Variants in ANO7 observed in about 807,000 individuals in gnomAD.
ANO7 encodes the protein anoctamin-7.
ANO7 carries 114 observed loss-of-function variants against 115.8 expected under a neutral mutation model. The observed-to-expected ratio is 0.98, with a 90% CI of 0.85 to 1.15. The LOEUF is 1.15. ANO7 is among the 50% of genes most tolerant of loss of function. ANO7 has a pLI of 0.00. For missense variants in ANO7, 1,302 were observed against 1,201.2 expected (o/e 1.08, Z -1.24); for synonymous variants, 550 against 498.2 (o/e 1.10, Z -1.38).
intron 3 of ANO7, among the ~76,000 whole-genome samples, chr2:241,192,021 C>G (rs1406739395): frequency 3.9e-5 from 6 of 152,222 alleles, no homozygotes; most frequent in Admixed American, 2.0e-4. Flanking sequence ...GTGCATTCGT[C>G]TGCTGGGACT....
intron 3 of ANO7, among the ~76,000 whole-genome samples, chr2:241,194,857 G>A (rs186709923): frequency 3.0e-3 from 452 of 152,250 alleles, no homozygotes; most frequent in Non-Finnish European, 5.0e-3. Context: ...GGCATCCACC[G>A]GGTTCTTGGA....
the ANO7 span, chr2:241,238,351 C>A: frequency 4.2e-6 from 1 of 238,386 alleles, no homozygotes; most frequent in East Asian, 7.8e-5. This position sits in a 1 kb window ranked among gnomAD's most constrained non-coding sequence, Gnocchi z 4.9. Flanking sequence ...TCATGAGAAT[C>A]ACTGGGACTG....
chr2:241,232,494 T>C, the ANO7 span, among the ~76,000 whole-genome samples: 2 of 152,178 alleles, frequency 1.3e-5, no homozygotes, highest in Non-Finnish European at 2.9e-5. Flanking sequence ...CAGGTTGGCC[T>C]TGAACTCCTG....
At chr2:241,229,349 C>G (rs1559467029), downstream of ANO7, 1 of 414,864 alleles carries the variant, frequency 2.4e-6, no homozygotes, top group African/African-American at 2.0e-5. Context: ...GAGCTGGAGT[C>G]TGTTATCTTA....
the ANO7 span, among the ~76,000 whole-genome samples, chr2:241,232,404 T>C: frequency 1.3e-5 from 2 of 151,736 alleles, no homozygotes; most frequent in South Asian, 4.2e-4. Context: ...GTCTCCCGAG[T>C]AGCTGGGATT....
rs2068726815 is a variant in ANO7 at position 241,211,862 on chromosome 2, ACATT to A, written c.1562-227_1562-224del. 2.0e-5 allele frequency among the ~76,000 whole-genome samples: 3 copies of A among 152,188 alleles called. No homozygotes were observed. The South Asian group carries it at 6.2e-4, about 32-fold the overall frequency. On this transcript the variant is annotated intron_variant, in intron 15 of 24. Coordinates refer to ENST00000674324, the MANE Select transcript of ANO7 (RefSeq NM_001370694.2). ...CCCTGACCACTCACCCGTGTGCACC[ACATT>A]CATTATTAGTGTTGGGATATAGGGT...
At chr2:241,207,720 A>T (rs1559448102) in intron 11 of ANO7, 50 bp downstream of exon 11, 5 of 1,551,850 alleles carry the variant, frequency 3.2e-6, no homozygotes, top group Non-Finnish European at 4.4e-6. Flanking sequence ...GGGGATGAGG[A>T]GGGCAGCTCC....
intron 21 of ANO7, 98 bp downstream of exon 21, chr2:241,218,479 G>A: frequency 8.7e-7 from 1 of 1,145,100 alleles, no homozygotes; most frequent in Non-Finnish European, 1.1e-6. Flanking sequence ...GAGCCGGGAG[G>A]GGCGGGCGCC....
intron 4 of ANO7, among the ~76,000 whole-genome samples, chr2:241,196,955 C>G (rs2068351262): frequency 1.3e-5 from 2 of 152,176 alleles, no homozygotes; most frequent in Non-Finnish European, 2.9e-5. Context: ...TGGCCAACCA[C>G]TCCCCACGTG....
chr2:241,216,274 G>A lies in ANO7; in HGVS notation c.1972+36G>A, dbSNP rs552936429. 2.3e-5 allele frequency: 35 copies of A among 1,527,818 alleles called. No homozygotes were observed. The African/African-American group carries it at 3.2e-4, about 14-fold the overall frequency. The allele number at this position is 1,527,818 out of a possible 1,614,324, so 94.6% of individuals were successfully genotyped here. A position where few individuals can be genotyped will look rare whatever the true frequency, so the allele number is the denominator to read the frequency against. ...GTTAGCAGCTGCGGCAATGGCTGGC[G>A]CCGTGGGCAGGGATGGGTGGCCACT... On this transcript the variant is annotated intron_variant, in intron 19 of 24. Transcript: ENST00000674324.
intron 2 of ANO7, 142 bp from the exon 3 acceptor site, chr2:241,191,052 A>C (rs1574752794): frequency 1.1e-6 from 1 of 907,080 alleles, no homozygotes; most frequent in Non-Finnish European, 1.7e-6. Flanking sequence ...CCCGCCGAAC[A>C]TTCTTCTGTG....
chr2:241,204,149 C>T (rs1203472324), intron 9 of ANO7, among the ~76,000 whole-genome samples: 1 of 152,206 alleles, frequency 6.6e-6, no homozygotes, highest in East Asian at 1.9e-4. Context: ...CTCCTGTGTG[C>T]CAGGACTCAC....
the ANO7 span, chr2:241,235,637 CAG>C: frequency 7.1e-7 from 1 of 1,404,588 alleles, no homozygotes; most frequent in Non-Finnish European, 1.0e-6. Flanking sequence ...GAGCTGAGAG[CAG>C]AGTGACGTTG....
intron 1 of ANO7, among the ~76,000 whole-genome samples, chr2:241,189,107 A>G (rs1175440538): frequency 6.6e-6 from 1 of 152,142 alleles, no homozygotes; most frequent in East Asian, 1.9e-4. Context: ...GGATGGGGGC[A>G]TGAGGGGCTG....
At chr2:241,197,669 T>C (rs958767561) in intron 4 of ANO7, among the ~76,000 whole-genome samples, 11 of 124,434 alleles carry the variant, frequency 8.8e-5, no homozygotes, top group Admixed American at 2.4e-4. Flanking sequence ...TTTTTTTTTT[T>C]AGACAGGGTC....
chr2:241,236,828 T>G, the ANO7 span: 1 of 1,569,478 alleles, frequency 6.4e-7, no homozygotes, highest in Non-Finnish European at 8.7e-7. Context: ...CCACACCTTG[T>G]TCAGAATGCA....
intron 4 of ANO7, among the ~76,000 whole-genome samples, chr2:241,196,634 G>A (rs1051793044): frequency 1.3e-5 from 2 of 152,198 alleles, no homozygotes; most frequent in African/African-American, 4.8e-5. Flanking sequence ...GTTTGAGATC[G>A]GCAGAGCTGA....
At position 241,224,851 on chromosome 2, in the gene ANO7, C is replaced by T. The variant is rs2069119920; in HGVS notation, c.*698C>T. 1 of 152,274 alleles carries T rather than the reference C, an allele frequency of 6.6e-6. No individual in the cohort carries two copies. Among genetic ancestry groups the T allele is most frequent in the South Asian group, 2.1e-4 (1 of 4,820 alleles). The allele number at this position is 152,274 out of a possible 1,614,324, so 9.4% of individuals were successfully genotyped here. A position where few individuals can be genotyped will look rare whatever the true frequency, so the allele number is the denominator to read the frequency against. ...TACATGTGTCCTTTTGATCCTTGCC[C>T]AACTTCCCTCCCTCTCCCAGCTCCT... is the stretch of plus-strand genomic sequence containing the variant. On this transcript the variant is annotated 3_prime_UTR_variant, in exon 25 of 25. Transcript: ENST00000674324.
Position 241,201,740 on chromosome 2 carries a change from C to T in ANO7, c.612+385C>T, listed in dbSNP as rs1231502102. 5.3e-5 allele frequency among the ~76,000 whole-genome samples: 8 copies of T among 152,356 alleles called. No individual in the cohort carries two copies. In the East Asian group the frequency reaches 1.5e-3, roughly 29 times the overall value. On this transcript the variant is annotated intron_variant, in intron 7 of 24. Transcript: ENST00000674324. ...CAGGCCCAAGGCACCCGGCAGGAGG[C>T]CTGTTCCTGAGGCCTACCCAAGAGA...
Sources: gnomAD v4.1 joint callset for allele counts (sites outside exome capture counted in the v4.1 genomes callset) on GRCh38, gnomAD v4.1.1 for gene constraint, Gnocchi (gnomAD v3.1) non-coding constraint, MANE v1.5 for transcripts, NCBI Gene and HGNC (gene_info 2026-07-23, HGNC 2026-07-21) for gene names.